NEURL1: variants seen among roughly 807,000 people sequenced by gnomAD.
The protein encoded by NEURL1 is E3 ubiquitin-protein ligase NEURL1.
Under a neutral mutation model 41.2 loss-of-function variants are expected in NEURL1, and 26 were observed. That is an observed-to-expected ratio of 0.63 (90% confidence interval 0.46 to 0.87). The LOEUF (loss-of-function observed/expected upper bound fraction) is 0.87. Among genes scored for constraint, NEURL1 ranks in the 40% least tolerant of loss-of-function variants. The probability of loss-of-function intolerance (pLI) is 0.00; values close to 1 mark genes in which losing one functional copy is unlikely to be tolerated. For synonymous variants in NEURL1, 400 were observed against 402.3 expected, an observed-to-expected ratio of 0.99 and a Z score of 0.07; for missense variants, 761 against 871.1, an observed-to-expected ratio of 0.87 and a Z score of 1.59.
chr10:103,567,380 G>C (rs1164197024), intron 1 of NEURL1, among the ~76,000 whole-genome samples: 1 of 151,860 alleles, frequency 6.6e-6, no homozygotes, highest in Non-Finnish European at 1.5e-5. Flanking sequence ...TGAATTCTTG[G>C]CTATTAATGC....
At chr10:103,553,410 T>C (rs902949376) in intron 1 of NEURL1, among the ~76,000 whole-genome samples, 1 of 152,158 alleles carries the variant, frequency 6.6e-6, no homozygotes, top group Non-Finnish European at 1.5e-5. Flanking sequence ...TGTGTGCGTG[T>C]GTGTACGTGT....
At chr10:103,514,051 A>G (rs925407239) in intron 1 of NEURL1, among the ~76,000 whole-genome samples, 1 of 148,876 alleles carries the variant, frequency 6.7e-6, no homozygotes, top group Admixed American at 6.7e-5. Flanking sequence ...TTCTTTTTGC[A>G]CCTCTCCCAG....
At chr10:103,557,086 C>T (rs1386229389) in intron 1 of NEURL1, among the ~76,000 whole-genome samples, 2 of 152,162 alleles carry the variant, frequency 1.3e-5, no homozygotes, top group Non-Finnish European at 2.9e-5. Flanking sequence ...TCCCGAGCCT[C>T]AGTTTTCTCA....
chr10:103,508,925 G>A lies in NEURL1; in HGVS notation c.85+14453G>A, dbSNP rs771465520. On this transcript the variant is annotated intron_variant, in intron 1 of 5. Transcript: ENST00000369780. This position sits in a 1 kb window ranked among gnomAD's most constrained non-coding sequence, Gnocchi z 4.3. ...AGAAACCAAATACAGGGTCAGGTGC[G>A]GTGGCTCATGTCTGTAATCCCAGCA... 1.4e-4 allele frequency among the ~76,000 whole-genome samples: 21 copies of A among 152,152 alleles called. No individual in the cohort carries two copies. Among genetic ancestry groups the A allele is most frequent in the Non-Finnish European group, 2.1e-4 (14 of 68,022 alleles).
chr10:103,545,116 G>C lies in NEURL1; in HGVS notation c.86-25756G>C, dbSNP rs895355787. On this transcript the variant is annotated intron_variant, in intron 1 of 5. Coordinates refer to ENST00000369780, the MANE Select transcript of NEURL1 (RefSeq NM_004210.5). This position sits in a 1 kb window ranked among gnomAD's most constrained non-coding sequence, Gnocchi z 4.5. ...AAGGCGGCGGCAATGAGCCACGGAT[G>C]AATGTGCAAATTGTGAGATGGGGCA... is the stretch of plus-strand genomic sequence containing the variant. 5.3e-5 allele frequency among the ~76,000 whole-genome samples: 8 copies of C among 152,262 alleles called. No individual in the cohort carries two copies. The highest frequency in any genetic ancestry group is 1.9e-4 in the African/African-American group (8 of 41,478).
At chr10:103,555,248 C>A (rs2035123304) in intron 1 of NEURL1, 14 of 977,836 alleles carry the variant, frequency 1.4e-5, no homozygotes, top group Middle Eastern at 4.9e-4. Context: ...GCGGGAGGGG[C>A]CTCGGCCCTG....
At chr10:103,585,568 C>T (rs2035903069) in intron 4 of NEURL1, among the ~76,000 whole-genome samples, 1 of 152,204 alleles carries the variant, frequency 6.6e-6, no homozygotes, top group Non-Finnish European at 1.5e-5. Flanking sequence ...GGTGCGGTGG[C>T]TCACGCCTGT....
intron 1 of NEURL1, among the ~76,000 whole-genome samples, chr10:103,509,647 G>A (rs150068863): frequency 3.3e-5 from 5 of 152,304 alleles, no homozygotes; most frequent in East Asian, 1.9e-4. Context: ...GTCATTGTGC[G>A]GCTCATTTCT....
chr10:103,511,049 G>A (rs1470009137), intron 1 of NEURL1, among the ~76,000 whole-genome samples: 5 of 152,196 alleles, frequency 3.3e-5, no homozygotes, highest in Non-Finnish European at 4.4e-5. Flanking sequence ...CCCTGCTGCA[G>A]GTGGACTTCC....
At chr10:103,570,809 G>A (rs1042035183) in intron 1 of NEURL1, 63 bp from the exon 2 acceptor site, 23 of 1,566,702 alleles carry the variant, frequency 1.5e-5, no homozygotes, top group Non-Finnish European at 2.0e-5. Context: ...CCTTCCCTAG[G>A]GGACTCTGGT....
chr10:103,504,982 C>T (rs760935328), intron 1 of NEURL1, among the ~76,000 whole-genome samples: 7 of 151,444 alleles, frequency 4.6e-5, no homozygotes, highest in African/African-American at 1.5e-4. Context: ...TGGCCTCTGC[C>T]GATTAAATGC....
intron 1 of NEURL1, among the ~76,000 whole-genome samples, chr10:103,501,010 A>T (rs1255461949): frequency 2.0e-5 from 3 of 152,068 alleles, no homozygotes; most frequent in Non-Finnish European, 1.5e-5. Flanking sequence ...GGGAGCTAGA[A>T]AGGTGTCTTG....
At chr10:103,562,042 T>C (rs780585487) in intron 1 of NEURL1, among the ~76,000 whole-genome samples, 1 of 152,210 alleles carries the variant, frequency 6.6e-6, no homozygotes, top group Admixed American at 6.5e-5. Flanking sequence ...TAACTTTTAT[T>C]GAGGACCTGC....
intron 3 of NEURL1, among the ~76,000 whole-genome samples, chr10:103,579,664 A>G (rs1018014): frequency 0.2 from 29,730 of 152,172 alleles, 3,000 homozygotes; most frequent in South Asian, 0.26. Flanking sequence ...ACTTCGGGGC[A>G]GGCATGGTGG....
In NEURL1 at chr10:103,590,142, C is replaced by G; in HGVS notation, c.1495C>G (p.Pro499Ala). 1 of 1,613,682 alleles carries G rather than the reference C, an allele frequency of 6.2e-7. No individual in the cohort carries two copies. Among genetic ancestry groups the G allele is most frequent in the East Asian group, 2.2e-5 (1 of 44,890 alleles). The change falls in exon 6 of 6, where the codon CCC becomes GCC. Residue 499 changes from proline (P) to alanine (A), a missense_variant. Pro to Ala is a conservative substitution (Grantham distance 27). Transcript: ENST00000369780. The stretch of plus-strand genomic sequence containing the variant: ...TGCCCCCTTGTCCTCAGGGACAGCC[C>G]CCAATTCGCCAGTGAGCCTGCCCGA... ...PLGSSAGGTA[P>A]NSPVSLPESP...
At position 103,584,948 on chromosome 10, in the gene NEURL1, G is replaced by C; in HGVS notation, c.1062G>C (p.Ser354=). The C allele has an allele frequency of 6.6e-7, 1 of 1,503,766 alleles. No individual in the cohort carries two copies. Among genetic ancestry groups the C allele is most frequent in the Non-Finnish European group, 8.8e-7 (1 of 1,135,198 alleles). The allele number at this position is 1,503,766 out of a possible 1,614,324, so 93.2% of individuals were successfully genotyped here. A position where few individuals can be genotyped will look rare whatever the true frequency, so the allele number is the denominator to read the frequency against. Residue 354 remains serine, a synonymous_variant, in exon 4 of 6, where the codon TCG becomes TCC. Transcript: ENST00000369780. ...GTGGCGCGCGGCCCGGCGCGCTGTC[G>C]TTCGGCGTCACCACGTGCGACCCCG... is the stretch of plus-strand genomic sequence containing the variant. The part of the protein sequence containing the change: ...RSGGARPGAL[S]FGVTTCDPGT...
In NEURL1 at chr10:103,585,232, GC is replaced by G; in HGVS notation, c.1339+10del. ...ACGCAGATCCGCATCCTCGGTGAGT[GC>G]CCGCAGCTGCGCCTGGGCGTATGCC... On this transcript the variant is annotated splice_region_variant and intron_variant, in intron 4 of 5. Transcript: ENST00000369780. 2 of 1,505,254 alleles carry G rather than the reference GC, an allele frequency of 1.3e-6. No homozygotes were observed. Among genetic ancestry groups the G allele is most frequent in the South Asian group, 1.3e-5 (1 of 77,226 alleles). 93.2% of individuals were successfully genotyped at this position (1,505,254 alleles called of 1,614,324 possible). A position where few individuals can be genotyped will look rare whatever the true frequency, so the allele number is the denominator to read the frequency against.
chr10:103,494,933 C>A (rs545837210), intron 1 of NEURL1, among the ~76,000 whole-genome samples: 6 of 152,316 alleles, frequency 3.9e-5, no homozygotes, highest in African/African-American at 1.4e-4. Context: ...AGGATTACAG[C>A]AGCCTGGAAG....
Position 103,584,776 on chromosome 10 carries a change from ACGCCCTGCGCGCCGG to A in NEURL1, c.894_908del (p.Leu299_Ala303del). The A allele has an allele frequency of 1.3e-6, 1 of 778,036 alleles. No homozygotes were observed. Among genetic ancestry groups the A allele is most frequent in the East Asian group, 8.4e-5 (1 of 11,856 alleles). The allele number at this position is 778,036 out of a possible 1,614,324, so 48.2% of individuals were successfully genotyped here. On this transcript the variant is annotated inframe_deletion, in exon 4 of 6. Transcript: ENST00000369780. ...CAGCTCGACGGCGACCTGCGTTTCC[ACGCCCTGCGCGCCGG>A]CGCGCACGTCCGCATCCTCGACGAG...
Sources: gnomAD v4.1 joint callset for allele counts (sites outside exome capture counted in the v4.1 genomes callset) on GRCh38, gnomAD v4.1.1 for gene constraint, Gnocchi (gnomAD v3.1) non-coding constraint, MANE v1.5 for transcripts, NCBI Gene and HGNC (gene_info 2026-07-23, HGNC 2026-07-21) for gene names.